GKAP1: variants seen among roughly 807,000 people sequenced by gnomAD.
GKAP1 encodes G kinase anchoring protein 1.
GKAP1 carries 31 observed loss-of-function variants against 56.7 expected under a neutral mutation model. The observed-to-expected ratio is 0.55, with a 90% CI of 0.41 to 0.74. The LOEUF is 0.74. Among genes scored for constraint, GKAP1 ranks in the 30% least tolerant of loss-of-function variants. The pLI, the probability that GKAP1 is intolerant of heterozygous loss-of-function variation, is 0.00. For missense variants in GKAP1, 364 were observed against 402.3 expected (o/e 0.90, Z 0.82); for synonymous variants, 151 against 138.6 (o/e 1.09, Z -0.63).
intron 12 of GKAP1, among the ~76,000 whole-genome samples, chr9:83,740,595 T>C (rs190032146): frequency 2.6e-5 from 4 of 152,332 alleles, no homozygotes; most frequent in Admixed American, 1.3e-4. Flanking sequence ...CCAAACTTAG[T>C]TGATCATCAG....
intron 8 of GKAP1, among the ~76,000 whole-genome samples, chr9:83,764,160 G>A (rs1003652451): frequency 6.6e-6 from 1 of 152,126 alleles, no homozygotes; most frequent in African/African-American, 2.4e-5. Flanking sequence ...TAATTAACAT[G>A]GTTGCTTGGT....
chr9:83,775,482 T>A (rs1023430037), intron 7 of GKAP1, among the ~76,000 whole-genome samples: 2 of 152,196 alleles, frequency 1.3e-5, no homozygotes, highest in Non-Finnish European at 2.9e-5. Context: ...TCACACCATC[T>A]AGGAAATATT....
chr9:83,779,505 A>ATGTG (rs1385782063), intron 7 of GKAP1, among the ~76,000 whole-genome samples: 1 of 138,474 alleles, frequency 7.2e-6, no homozygotes, highest in Admixed American at 7.1e-5. Flanking sequence ...ATATACACAT[A>ATGTG]TATGTGTATA....
intron 3 of GKAP1, among the ~76,000 whole-genome samples, chr9:83,802,828 C>T (rs1194176641): frequency 6.7e-6 from 1 of 150,116 alleles, no homozygotes. Flanking sequence ...TCTGTCTTCT[C>T]TTTAAAAAAA....
intron 4 of GKAP1, among the ~76,000 whole-genome samples, chr9:83,797,649 T>C (rs1217531336): frequency 6.6e-6 from 1 of 152,212 alleles, no homozygotes; most frequent in African/African-American, 2.4e-5. Flanking sequence ...ACGGCATCCT[T>C]ATATAGGATC....
At chr9:83,776,955 G>T (rs758167352) in intron 7 of GKAP1, among the ~76,000 whole-genome samples, 4 of 152,218 alleles carry the variant, frequency 2.6e-5, no homozygotes, top group Non-Finnish European at 5.9e-5. Context: ...GCTATAAGAA[G>T]GAAGTAGGTT....
At chr9:83,779,966 T>C (rs1454035421) in intron 7 of GKAP1, among the ~76,000 whole-genome samples, 1 of 152,054 alleles carries the variant, frequency 6.6e-6, no homozygotes, top group Admixed American at 6.5e-5. Flanking sequence ...CCCATGAGTA[T>C]ATCTAAAGAA....
At chr9:83,751,251 T>C (rs1943383827) in intron 9 of GKAP1, among the ~76,000 whole-genome samples, 1 of 152,222 alleles carries the variant, frequency 6.6e-6, no homozygotes, top group Admixed American at 6.5e-5. Flanking sequence ...CTTCCTTCCA[T>C]CATATTCCCA....
At chr9:83,763,385 T>C (rs1452901423) in intron 8 of GKAP1, among the ~76,000 whole-genome samples, 2 of 152,182 alleles carry the variant, frequency 1.3e-5, no homozygotes, top group African/African-American at 4.8e-5. Flanking sequence ...CACAACAGGG[T>C]GACTATTAGT....
At chr9:83,751,592 G>GT (rs1431356060) in intron 9 of GKAP1, among the ~76,000 whole-genome samples, 2 of 152,138 alleles carry the variant, frequency 1.3e-5, no homozygotes, top group African/African-American at 2.4e-5. Flanking sequence ...GAAGGGAAAT[G>GT]TAAGAACCAT....
At chr9:83,760,039 GCATCC>G (rs1943542960) in intron 8 of GKAP1, among the ~76,000 whole-genome samples, 3 of 151,814 alleles carry the variant, frequency 2.0e-5, no homozygotes, top group Admixed American at 2.0e-4. Context: ...TTTACTCAAG[GCATCC>G]CAGTTTCTTC....
intron 8 of GKAP1, among the ~76,000 whole-genome samples, chr9:83,762,183 A>G (rs559024294): frequency 3.3e-5 from 5 of 152,290 alleles, no homozygotes; most frequent in African/African-American, 9.6e-5. Context: ...AAACTATTAG[A>G]ACCTGATAAA....
At chr9:83,777,182 C>T (rs1385800794) in intron 7 of GKAP1, among the ~76,000 whole-genome samples, 9 of 152,172 alleles carry the variant, frequency 5.9e-5, no homozygotes, top group Admixed American at 5.9e-4. Flanking sequence ...TTGGGTACTC[C>T]TCCAATGATA....
At chr9:83,812,266 TAC>T (rs1313656415) in intron 2 of GKAP1, among the ~76,000 whole-genome samples, 2 of 148,080 alleles carry the variant, frequency 1.4e-5, no homozygotes, top group East Asian at 1.9e-4. Context: ...TACGTATATA[TAC>T]ACATATATAT....
At chr9:83,783,343 T>C (rs1049844686) in intron 6 of GKAP1, among the ~76,000 whole-genome samples, 4 of 152,218 alleles carry the variant, frequency 2.6e-5, no homozygotes, top group Non-Finnish European at 5.9e-5. Flanking sequence ...TAATGTTGTA[T>C]AGCTGGACTA....
intron 3 of GKAP1, among the ~76,000 whole-genome samples, chr9:83,801,377 T>A (rs982682744): frequency 6.8e-6 from 1 of 147,278 alleles, no homozygotes; most frequent in Admixed American, 6.7e-5. Context: ...TTTCCGTTGT[T>A]TTAAGCCACC....
chr9:83,793,109 G>A (rs1230971884), intron 4 of GKAP1: 3 of 443,128 alleles, frequency 6.8e-6, no homozygotes, highest in Non-Finnish European at 1.0e-5. Context: ...CTAAAGGACA[G>A]TAAATATTTT....
chr9:83,806,902 T>C (rs373755978), intron 2 of GKAP1, among the ~76,000 whole-genome samples: 1 of 152,244 alleles, frequency 6.6e-6, no homozygotes, highest in Middle Eastern at 3.4e-3. Flanking sequence ...GAAAAGAATA[T>C]CATTTTTTCA....
intron 10 of GKAP1, among the ~76,000 whole-genome samples, chr9:83,745,621 T>G (rs1218002333): frequency 6.6e-6 from 1 of 152,196 alleles, no homozygotes; most frequent in African/African-American, 2.4e-5. Context: ...ATACATCCAA[T>G]ACGCAATGAT....
Sources: gnomAD v4.1 joint callset for allele counts (sites outside exome capture counted in the v4.1 genomes callset) on GRCh38, gnomAD v4.1.1 for gene constraint, MANE v1.5 for transcripts, NCBI Gene and HGNC (gene_info 2026-07-23, HGNC 2026-07-21) for gene names.